MGAT4C: variants seen among roughly 807,000 people sequenced by gnomAD.
The protein encoded by MGAT4C is MGAT4 family member C.
A neutral mutation model predicts 40.1 loss-of-function variants in MGAT4C; 19 were observed. That is an observed-to-expected ratio of 0.47 (90% CI 0.33 to 0.70). The LOEUF (loss-of-function observed/expected upper bound fraction) is 0.70. MGAT4C is among the 30% of genes least tolerant of loss of function. The pLI is 0.02. For missense variants in MGAT4C, 491 were observed against 563.2 expected (o/e 0.87, Z 1.30); for synonymous variants, 181 against 187.1 (o/e 0.97, Z 0.27).
chr12:86,272,905 G>A (rs1429535998), intron 4 of MGAT4C, among the ~76,000 whole-genome samples: 1 of 152,116 alleles, frequency 6.6e-6, no homozygotes, highest in Non-Finnish European at 1.5e-5. Flanking sequence ...TCATTGTACA[G>A]ATGGCGGACA....
intron 2 of MGAT4C, among the ~76,000 whole-genome samples, chr12:86,474,120 A>C (rs55972068): frequency 0.1 from 15,288 of 151,956 alleles, 1,005 homozygotes; most frequent in Middle Eastern, 0.25. Flanking sequence ...TGGAACCAAC[A>C]CAAATGTCCA....
At chr12:86,369,832 T>C (rs1221923045) in intron 3 of MGAT4C, among the ~76,000 whole-genome samples, 1 of 151,982 alleles carries the variant, frequency 6.6e-6, no homozygotes, top group Non-Finnish European at 1.5e-5. Context: ...CAATAGACAA[T>C]TTATATGTAT....
At chr12:86,760,301 T>C (rs1951379845) in intron 1 of MGAT4C, among the ~76,000 whole-genome samples, 2 of 152,036 alleles carry the variant, frequency 1.3e-5, no homozygotes, top group Non-Finnish European at 2.9e-5. Context: ...ATGTAAGTCT[T>C]AAAACTATCA....
intron 1 of MGAT4C, among the ~76,000 whole-genome samples, chr12:86,746,288 T>C (rs1460648298): frequency 1.3e-5 from 2 of 151,680 alleles, no homozygotes; most frequent in Non-Finnish European, 3.0e-5. Context: ...TAAAAACCTT[T>C]AGGGGCCCAG....
intron 1 of MGAT4C, among the ~76,000 whole-genome samples, chr12:86,230,484 C>T (rs757445610): frequency 6.4e-4 from 97 of 152,244 alleles, no homozygotes; most frequent in Middle Eastern, 3.4e-3. Context: ...GCATTATTAG[C>T]ACTTAAATTA....
intron 2 of MGAT4C, among the ~76,000 whole-genome samples, chr12:86,622,284 G>A (rs1962663363): frequency 6.6e-6 from 1 of 152,084 alleles, no homozygotes; most frequent in Non-Finnish European, 1.5e-5. Flanking sequence ...GGCAGCAAAA[G>A]TCTTCAGGAA....
chr12:86,391,655 G>C (rs146725354), intron 3 of MGAT4C, among the ~76,000 whole-genome samples: 2 of 151,976 alleles, frequency 1.3e-5, no homozygotes, highest in South Asian at 4.2e-4. Context: ...TCAGGAGATC[G>C]AGACCATCCT....
At chr12:86,658,895 C>G (rs542950400) in intron 2 of MGAT4C, among the ~76,000 whole-genome samples, 1 of 151,980 alleles carries the variant, frequency 6.6e-6, no homozygotes, top group East Asian at 1.9e-4. Context: ...ACATTGTTGC[C>G]GAGTTCACAT....
intron 1 of MGAT4C, among the ~76,000 whole-genome samples, chr12:86,225,478 C>A (rs942046189): frequency 6.6e-6 from 1 of 151,980 alleles, no homozygotes; most frequent in Non-Finnish European, 1.5e-5. Context: ...AACCATTAGA[C>A]AAGGACATAA....
At chr12:86,462,986 T>C (rs922739917) in intron 2 of MGAT4C, among the ~76,000 whole-genome samples, 15 of 152,060 alleles carry the variant, frequency 9.9e-5, no homozygotes, top group Non-Finnish European at 2.1e-4. Flanking sequence ...TTCAATCAAG[T>C]TGACACTCAA....
intron 2 of MGAT4C, among the ~76,000 whole-genome samples, chr12:86,555,961 A>G (rs549096408): frequency 6.6e-6 from 1 of 152,208 alleles, no homozygotes; most frequent in Non-Finnish European, 1.5e-5. Context: ...TAAATGGGAT[A>G]TTTGAACTAC....
At chr12:86,005,055 A>T (rs1197712718) in intron 2 of MGAT4C, among the ~76,000 whole-genome samples, 2 of 152,342 alleles carry the variant, frequency 1.3e-5, no homozygotes, top group South Asian at 2.1e-4. Flanking sequence ...AGATCAAATC[A>T]GATCACACCT....
intron 2 of MGAT4C, among the ~76,000 whole-genome samples, chr12:85,992,541 T>G (rs1479195995): frequency 6.6e-6 from 1 of 152,220 alleles, no homozygotes; most frequent in Non-Finnish European, 1.5e-5. Flanking sequence ...CAATGTTAAA[T>G]GTTAAAGATG....
chr12:86,534,295 T>C (rs1432204969), intron 2 of MGAT4C, among the ~76,000 whole-genome samples: 2 of 152,132 alleles, frequency 1.3e-5, no homozygotes. Context: ...GATAATAACT[T>C]AACACTTTAA....
At chr12:86,520,828 A>G (rs1463571607) in intron 2 of MGAT4C, among the ~76,000 whole-genome samples, 1 of 152,088 alleles carries the variant, frequency 6.6e-6, no homozygotes, top group East Asian at 1.9e-4. Context: ...TCAAATAATC[A>G]CTGACATTGA....
At chr12:86,339,292 T>C (rs1244272054) in intron 3 of MGAT4C, among the ~76,000 whole-genome samples, 1 of 152,132 alleles carries the variant, frequency 6.6e-6, no homozygotes, top group South Asian at 2.1e-4. Flanking sequence ...GAGCAGGCAA[T>C]GCTCATATAG....
chr12:86,656,593 T>C (rs781074421), intron 2 of MGAT4C, among the ~76,000 whole-genome samples: 32 of 152,206 alleles, frequency 2.1e-4, no homozygotes, highest in Middle Eastern at 3.4e-3. Context: ...TTTCACAGCA[T>C]TTACCATTTC....
chr12:86,065,142 G>T (rs1205421859), intron 1 of MGAT4C, among the ~76,000 whole-genome samples: 1 of 152,100 alleles, frequency 6.6e-6, no homozygotes, highest in Non-Finnish European at 1.5e-5. Flanking sequence ...ACAAAGAAGA[G>T]CTGGTATCAT....
intron 1 of MGAT4C, among the ~76,000 whole-genome samples, chr12:86,101,885 G>C (rs1875140025): frequency 6.6e-6 from 1 of 151,872 alleles, no homozygotes; most frequent in Non-Finnish European, 1.5e-5. Context: ...CAGGATCAAA[G>C]TCTTAAATTC....
Sources: gnomAD v4.1 joint callset for allele counts (sites outside exome capture counted in the v4.1 genomes callset) on GRCh38, gnomAD v4.1.1 for gene constraint, MANE v1.5 for transcripts, NCBI Gene and HGNC (gene_info 2026-07-23, HGNC 2026-07-21) for gene names.